The following PALM2AKAP2 variants were observed in gnomAD, a reference collection of about 807,000 sequenced individuals.
PALM2AKAP2 encodes PALM2-AKAP2 fusion protein.
PALM2AKAP2 carries 37 observed loss-of-function variants against 71.5 expected under a neutral mutation model. The ratio of observed to expected loss-of-function variants is 0.52; its 90% CI spans 0.40 to 0.68. The LOEUF (loss-of-function observed/expected upper bound fraction) is 0.68. PALM2AKAP2 is among the 30% of genes least tolerant of loss of function. PALM2AKAP2 has a pLI of 0.00. For missense variants in PALM2AKAP2, 1,224 were observed against 1,191.8 expected (o/e 1.03, Z -0.40); for synonymous variants, 468 against 478.8 (o/e 0.98, Z 0.29).
intron 1 of PALM2AKAP2, among the ~76,000 whole-genome samples, chr9:109,748,018 T>C (rs1236116983): frequency 1.3e-5 from 2 of 152,192 alleles, no homozygotes; most frequent in African/African-American, 4.8e-5. Context: ...CTATCAAAAG[T>C]TATTCTGTTG....
chr9:110,068,830 G>A (rs1465197794), intron 1 of PALM2AKAP2, among the ~76,000 whole-genome samples: 1 of 152,164 alleles, frequency 6.6e-6, no homozygotes, highest in East Asian at 1.9e-4. Context: ...GCCACACCCA[G>A]CCTGGAACTT....
At chr9:109,991,318 C>T (rs1832477944) in intron 6 of PALM2AKAP2, among the ~76,000 whole-genome samples, 1 of 151,926 alleles carries the variant, frequency 6.6e-6, no homozygotes, top group African/African-American at 2.4e-5. Context: ...CTCACTGCAG[C>T]CTCAACTTCT....
At chr9:110,164,916 C>T (rs1438057986) in intron 3 of PALM2AKAP2, among the ~76,000 whole-genome samples, 1 of 152,060 alleles carries the variant, frequency 6.6e-6, no homozygotes, top group African/African-American at 2.4e-5. Flanking sequence ...TGGTGTGTCT[C>T]CTTCTGGACT....
Position 109,688,243 on chromosome 9 carries a change from A to G in PALM2AKAP2, c.5+47377A>G, listed in dbSNP as rs554250540. Reference sequence around the variant, plus strand: ...CATCACAGGGTTGCTGCAAACTTTCAATTTGTAAAAAATGTAATATTTGGG... The same window carrying G: ...CATCACAGGGTTGCTGCAAACTTTCGATTTGTAAAAAATGTAATATTTGGG... On this transcript the variant is annotated intron_variant, in intron 1 of 6. Coordinates refer to the PALM2AKAP2 transcript ENST00000374531. Among the ~76,000 whole-genome samples the G allele has an allele frequency of 2.0e-5, 3 of 152,378 alleles. No individual in the cohort carries two copies. The South Asian group carries it at 6.2e-4, about 32-fold the overall frequency.
intron 6 of PALM2AKAP2, among the ~76,000 whole-genome samples, chr9:109,964,679 T>C (rs138448434): frequency 2.0e-4 from 30 of 152,290 alleles, no homozygotes; most frequent in Middle Eastern, 3.4e-3. Context: ...GCTCTTACTA[T>C]ACCTCAGCTG....
chr9:109,998,758 C>G (rs1227145239), intron 6 of PALM2AKAP2, among the ~76,000 whole-genome samples: 2 of 135,098 alleles, frequency 1.5e-5, no homozygotes, highest in African/African-American at 6.0e-5. Context: ...CAGCGAGACC[C>G]TGTCGCAAAA....
At chr9:110,125,067 C>T (rs1381921492) in intron 1 of PALM2AKAP2, among the ~76,000 whole-genome samples, 3 of 152,146 alleles carry the variant, frequency 2.0e-5, no homozygotes, top group Non-Finnish European at 4.4e-5. Flanking sequence ...GACACACGCA[C>T]ACATGCACAT....
intron 1 of PALM2AKAP2, among the ~76,000 whole-genome samples, chr9:109,835,488 T>G (rs1282753820): frequency 2.0e-5 from 3 of 152,088 alleles, no homozygotes; most frequent in Non-Finnish European, 2.9e-5. Flanking sequence ...CATTTCCAAC[T>G]GAGGTACTGG....
At chr9:110,021,438 A>G (rs914482531) in intron 7 of PALM2AKAP2, among the ~76,000 whole-genome samples, 12 of 152,212 alleles carry the variant, frequency 7.9e-5, no homozygotes, top group African/African-American at 2.9e-4. Flanking sequence ...AGTGTGTGGT[A>G]GTTTGTTATG....
At chr9:109,717,317 C>T (rs1017835957) in intron 1 of PALM2AKAP2, among the ~76,000 whole-genome samples, 1 of 152,140 alleles carries the variant, frequency 6.6e-6, no homozygotes, top group African/African-American at 2.4e-5. Context: ...AGTTCATGGC[C>T]TATCTGCTTT....
intron 1 of PALM2AKAP2, among the ~76,000 whole-genome samples, chr9:110,110,337 T>A (rs1216329674): frequency 6.6e-6 from 1 of 152,024 alleles, no homozygotes; most frequent in Non-Finnish European, 1.5e-5. Flanking sequence ...GAGTTTCAGA[T>A]CCCCAGAAAA....
At chr9:109,827,070 T>C (rs1587938426) in intron 1 of PALM2AKAP2, among the ~76,000 whole-genome samples, 1 of 152,200 alleles carries the variant, frequency 6.6e-6, no homozygotes, top group East Asian at 1.9e-4. Context: ...CTCAAGTTAG[T>C]GTGTCACCAT....
At chr9:109,817,212 A>C (rs1827876079) in intron 1 of PALM2AKAP2, among the ~76,000 whole-genome samples, 1 of 152,208 alleles carries the variant, frequency 6.6e-6, no homozygotes, top group South Asian at 2.1e-4. Context: ...TCCAGTTGGC[A>C]CTTTGTGGAT....
chr9:109,726,903 A>C (rs1368774579), intron 1 of PALM2AKAP2, among the ~76,000 whole-genome samples: 2 of 152,222 alleles, frequency 1.3e-5, no homozygotes, highest in Non-Finnish European at 2.9e-5. Context: ...TATGGGTACC[A>C]AACCGGACAG....
At chr9:110,093,152 T>C (rs947933587) in intron 1 of PALM2AKAP2, among the ~76,000 whole-genome samples, 3 of 152,232 alleles carry the variant, frequency 2.0e-5, no homozygotes, top group Admixed American at 6.5e-5. Context: ...TGTAGCCAGT[T>C]GTTGTCTTTG....
At chr9:109,780,214 T>G, upstream of PALM2AKAP2, 1 of 980,866 alleles carries the variant, frequency 1.0e-6, no homozygotes. Flanking sequence ...CGTCCTCGGC[T>G]GGCGCGGCCG....
chr9:110,150,073 C>A (rs965788302), intron 2 of PALM2AKAP2, among the ~76,000 whole-genome samples: 3 of 152,146 alleles, frequency 2.0e-5, no homozygotes, highest in Non-Finnish European at 4.4e-5. Context: ...TACATGAAGT[C>A]ACAGAGTGGA....
exon 4 of PALM2AKAP2, chr9:110,168,673 C>G (rs1245332306): frequency 1.5e-5 from 11 of 752,324 alleles, no homozygotes; most frequent in Non-Finnish European, 2.2e-5. Context: ...GGAAGTCCCC[C>G]CATCAGACTC....
chr9:109,969,618 T>C (rs1168188940), intron 6 of PALM2AKAP2, among the ~76,000 whole-genome samples: 1 of 152,170 alleles, frequency 6.6e-6, no homozygotes, highest in East Asian at 1.9e-4. Flanking sequence ...TCTCACTGGA[T>C]TTATCCTTGG....
Sources: gnomAD v4.1 joint callset for allele counts (sites outside exome capture counted in the v4.1 genomes callset) on GRCh38, gnomAD v4.1.1 for gene constraint, MANE v1.5 for transcripts, NCBI Gene and HGNC (gene_info 2026-07-23, HGNC 2026-07-21) for gene names.